Variants in ZNF154 observed in about 807,000 individuals in gnomAD.
ZNF154 encodes zinc finger protein 154 (pHZ-92).
A neutral mutation model predicts 7.5 loss-of-function variants in ZNF154; 6 were observed. The observed-to-expected ratio is 0.80, with a 90% CI of 0.44 to 1.57. The LOEUF (loss-of-function observed/expected upper bound fraction) is 1.57, where lower values mean the gene tolerates loss of function less well. Among genes scored for constraint, ZNF154 ranks in the 40% most tolerant of loss-of-function variants. The pLI is 0.01. For missense variants in ZNF154, 485 were observed against 531.4 expected (o/e 0.91, Z 0.86); for synonymous variants, 187 against 185.9 (o/e 1.01, Z -0.05).
At position 57,702,045 on chromosome 19, in the gene ZNF154, C is replaced by T; in HGVS notation, c.904G>A (p.Glu302Lys). 1 of 1,613,808 alleles carries T rather than the reference C, an allele frequency of 6.2e-7. No homozygotes were observed. Among genetic ancestry groups the T allele is most frequent in the Non-Finnish European group, 8.5e-7 (1 of 1,179,922 alleles). The change falls in exon 3 of 3, where the codon GAG becomes AAG. Residue 302 changes from glutamate (E) to lysine (K), a missense_variant. Physicochemically the swap from Glu to Lys is moderately conservative, Grantham distance 56 (BLOSUM62 1). Coordinates refer to ENST00000684351, the MANE Select transcript of ZNF154 (RefSeq NM_001085384.3). ...AATGACTTCCCACATTCGCTGCACT[C>T]ATAAGGCCTGGATCCACTGTGAACT... ...QKVHSGSRPY[E>K]CSECGKSFSQ...
At chr19:57,704,080 A>G (rs1985292962) in intron 2 of ZNF154, among the ~76,000 whole-genome samples, 1 of 152,198 alleles carries the variant, frequency 6.6e-6, no homozygotes, top group Non-Finnish European at 1.5e-5. Context: ...CTGCAGGTGT[A>G]GCAGTGAGAA....
rs746292938 is a variant in ZNF154, at chr19:57,702,611, C to A, written c.338G>T (p.Gly113Val). The change falls in exon 3 of 3, where the codon GGG (glycine) becomes GTG (valine). Residue 113 changes from glycine to valine, a missense_variant. Coordinates refer to ENST00000684351, the MANE Select transcript of ZNF154 (RefSeq NM_001085384.3). The part of the protein sequence containing the change: ...GFLHQQAAHT[G>V]EQSNSKSDGG... ...GTCGCTTTTGCTATTTGATTGCTCC[C>A]CAGTGTGAGCAGCCTGTTGATGGAG... The A allele has an allele frequency of 1.2e-6, 2 of 1,614,138 alleles. No homozygotes were observed. Among genetic ancestry groups the A allele is most frequent in the Non-Finnish European group, 1.7e-6 (2 of 1,180,020 alleles).
chr19:57,708,544 G>A (rs984106908), intron 1 of ZNF154, among the ~76,000 whole-genome samples: 1 of 152,142 alleles, frequency 6.6e-6, no homozygotes, highest in East Asian at 1.9e-4. Flanking sequence ...TTGCACTCCA[G>A]CCTGGGCGAT....
Position 57,702,010 on chromosome 19 carries a change from G to C in ZNF154, c.939C>G (p.Asn313Lys). 2 of 1,613,058 alleles carry C rather than the reference G, an allele frequency of 1.2e-6. No homozygotes were observed. The highest frequency in any genetic ancestry group is 1.1e-5 in the South Asian group (1 of 91,042). The change falls in exon 3 of 3, where the codon AAC becomes AAG. Residue 313 changes from asparagine (N) to lysine (K), a missense_variant. Physicochemically the swap from Asn to Lys is moderately conservative, Grantham distance 94. Coordinates refer to ENST00000684351, the MANE Select transcript of ZNF154 (RefSeq NM_001085384.3). ...CSECGKSFSQNSSLIEHHRVH... is the reference protein window; with the variant it reads ...CSECGKSFSQKSSLIEHHRVH... ...CCCTATGGTGTTCAATGAGGCTAGA[G>C]TTTTGGCTAAATGACTTCCCACATT...
At chr19:57,706,216 C>T (rs1321792652) in intron 1 of ZNF154, among the ~76,000 whole-genome samples, 2 of 152,148 alleles carry the variant, frequency 1.3e-5, no homozygotes, top group Non-Finnish European at 2.9e-5. Flanking sequence ...CCCTAGATCT[C>T]CCAGGGCATC....
At chr19:57,706,353 T>C (rs1985390949) in intron 1 of ZNF154, among the ~76,000 whole-genome samples, 1 of 152,154 alleles carries the variant, frequency 6.6e-6, no homozygotes, top group African/African-American at 2.4e-5. Context: ...ACTTCCGTGC[T>C]GCACTTGCTA....
At chr19:57,708,208 A>G (rs751180288) in intron 1 of ZNF154, among the ~76,000 whole-genome samples, 1 of 152,152 alleles carries the variant, frequency 6.6e-6, no homozygotes, top group Non-Finnish European at 1.5e-5. Context: ...GTAGCCTCCC[A>G]CTATCTCAAT....
chr19:57,698,974 T>C lies in ZNF154; in HGVS notation c.*2661A>G, dbSNP rs920704024. The C allele has an allele frequency of 3.3e-5, 5 of 152,148 alleles. No homozygotes were observed. The highest frequency in any genetic ancestry group is 1.2e-4 in the African/African-American group (5 of 41,400). 9.4% of individuals were successfully genotyped at this position (152,148 alleles called of 1,614,324 possible). Reference sequence around the variant, plus strand: ...TATGCCCAGCTAATTTTTGTATTTTTAGTAGAGACGGGGTTTCACCATGTT... The same window carrying C: ...TATGCCCAGCTAATTTTTGTATTTTCAGTAGAGACGGGGTTTCACCATGTT... On this transcript the variant is annotated 3_prime_UTR_variant, in exon 3 of 3. Transcript: ENST00000684351.
intron 1 of ZNF154, 39 bp downstream of exon 1, chr19:57,708,900 G>T (rs998620893): frequency 6.4e-7 from 1 of 1,554,294 alleles, no homozygotes; most frequent in African/African-American, 1.4e-5. Flanking sequence ...GAACGTGGGT[G>T]GGGGAAGGTG....
chr19:57,701,756 G>T lies in ZNF154; in HGVS notation c.1193C>A (p.Ser398Tyr), dbSNP rs1167495624. 1 of 1,614,138 alleles carries T rather than the reference G, an allele frequency of 6.2e-7. No homozygotes were observed. Among genetic ancestry groups the T allele is most frequent in the East Asian group, 2.2e-5 (1 of 44,874 alleles). The change falls in exon 3 of 3, where the codon TCC becomes TAC. Residue 398 changes from serine (S) to tyrosine (Y), a missense_variant. By Grantham distance (144) the Ser-to-Tyr change is moderately radical (BLOSUM62 -2). Transcript: ENST00000684351. ...AACCCTCCTGTGCTTAATGAGGCCG[G>T]AATTTTGAGTAAAGGATTTCCCACA... is the stretch of plus-strand genomic sequence containing the variant. ...SECGKSFTQN[S>Y]GLIKHRRVHT...
At chr19:57,704,486 C>G (rs947503080) in intron 2 of ZNF154, among the ~76,000 whole-genome samples, 1 of 152,164 alleles carries the variant, frequency 6.6e-6, no homozygotes, top group African/African-American at 2.4e-5. Flanking sequence ...TAACTCCTGG[C>G]ATAGGCAGGC....
intron 1 of ZNF154, among the ~76,000 whole-genome samples, chr19:57,707,054 G>C (rs972559441): frequency 6.7e-6 from 1 of 149,192 alleles, no homozygotes; most frequent in Non-Finnish European, 1.5e-5. Context: ...CGGAGGTTGT[G>C]GTGAGCCAAG....
rs941045649 is a variant in ZNF154 at position 57,708,788 on chromosome 19, G to A, written c.33+151C>T. On this transcript the variant is annotated intron_variant, in intron 1 of 2. Coordinates refer to ENST00000684351, the MANE Select transcript of ZNF154 (RefSeq NM_001085384.3). Reference sequence around the variant, plus strand: ...CGCCTGTCACGCTCTCCCACACCTCGTCACACGCAGTGTCAAAAAAAGGGC... The same window carrying A: ...CGCCTGTCACGCTCTCCCACACCTCATCACACGCAGTGTCAAAAAAAGGGC... The A allele has an allele frequency of 5.8e-6, 6 of 1,037,008 alleles. No homozygotes were observed. The African/African-American group carries it at 6.5e-5, about 11-fold the overall frequency. The allele number at this position is 1,037,008 out of a possible 1,614,324, so 64.2% of individuals were successfully genotyped here. A position where few individuals can be genotyped will look rare whatever the true frequency, so the allele number is the denominator to read the frequency against.
chr19:57,702,835 T>C, intron 2 of ZNF154, 47 bp from the exon 3 acceptor site: 1 of 1,546,408 alleles, frequency 6.5e-7, no homozygotes, highest in Non-Finnish European at 8.7e-7. Context: ...CTCTATATAA[T>C]TTCTGCCTAT....
chr19:57,708,562 AAAC>A, intron 1 of ZNF154, among the ~76,000 whole-genome samples: 1 of 152,262 alleles, frequency 6.6e-6, no homozygotes, highest in East Asian at 1.9e-4. Flanking sequence ...GATAAGAGCG[AAAC>A]TCCGTCTCAA....
intron 2 of ZNF154, among the ~76,000 whole-genome samples, chr19:57,703,487 A>C (rs1331026310): frequency 2.0e-5 from 1 of 49,154 alleles, no homozygotes; most frequent in African/African-American, 5.3e-5. Flanking sequence ...TCCGTCTCAA[A>C]AAAAAAAAAA....
At chr19:57,704,273 T>C (rs955313859) in intron 2 of ZNF154, among the ~76,000 whole-genome samples, 1 of 152,144 alleles carries the variant, frequency 6.6e-6, no homozygotes, top group African/African-American at 2.4e-5. Flanking sequence ...AACAGGTTGC[T>C]GCTCTGATAC....
At position 57,701,740 on chromosome 19, in the gene ZNF154, G is replaced by A. The variant is rs749733265; in HGVS notation, c.1209C>T (p.His403=). Residue 403 remains histidine, a synonymous_variant, in exon 3 of 3, where the codon CAC becomes CAT. Coordinates refer to ENST00000684351, the MANE Select transcript of ZNF154 (RefSeq NM_001085384.3). ...GCTTCTCCCCAGTGTGAACCCTCCT[G>A]TGCTTAATGAGGCCGGAATTTTGAG... ...SFTQNSGLIK[H]RRVHTGEKPY... is the part of the protein sequence containing the mutation. The A allele has an allele frequency of 1.4e-5, 23 of 1,613,190 alleles. No individual in the cohort carries two copies. Among genetic ancestry groups the A allele is most frequent in the Non-Finnish European group, 1.9e-5 (23 of 1,179,726 alleles).
rs1260098465 is a variant in ZNF154, at chr19:57,709,014, T to C, written c.-43A>G. The stretch of plus-strand genomic sequence containing the variant: ...GCTGGGCCGGGAGCGACGGGCGACA[T>C]TGGTAGGGACCCGGGGACAGCGGTC... On this transcript the variant is annotated 5_prime_UTR_variant, in exon 1 of 3. The change abolishes an upstream ATG in the 5' untranslated region. Coordinates refer to ENST00000684351, the MANE Select transcript of ZNF154 (RefSeq NM_001085384.3). The C allele has an allele frequency of 1.3e-6, 2 of 1,551,750 alleles. No homozygotes were observed. The highest frequency in any genetic ancestry group is 2.7e-5 in the African/African-American group (2 of 73,016).
Sources: allele counts gnomAD v4.1 joint callset (sites outside exome capture counted in the v4.1 genomes callset), GRCh38; gene constraint gnomAD v4.1.1; transcripts MANE v1.5; gene names NCBI Gene and HGNC (gene_info 2026-07-23, HGNC 2026-07-21).